HEMK2: variants seen among roughly 807,000 people sequenced by gnomAD.
HEMK2 encodes the protein HemK methyltransferase 2, ETF1 glutamine and histone H4 lysine.
the HEMK2 span, among the ~76,000 whole-genome samples, chr21:28,587,645 C>T: frequency 4.6e-5 from 7 of 152,122 alleles, no homozygotes; most frequent in Admixed American, 6.5e-5. Flanking sequence ...ACTGTTATCC[C>T]GCTAAATGAC....
the HEMK2 span, among the ~76,000 whole-genome samples, chr21:28,750,715 A>G: frequency 6.6e-6 from 1 of 151,524 alleles, no homozygotes; most frequent in East Asian, 1.9e-4. Context: ...AAAAAAAAAA[A>G]AAAAAGGCAA....
At chr21:28,784,053 T>C in the HEMK2 span, among the ~76,000 whole-genome samples, 1 of 152,182 alleles carries the variant, frequency 6.6e-6, no homozygotes, top group Middle Eastern at 3.4e-3. Context: ...GGCGGTGGGC[T>C]CCTGTGTGGC....
the HEMK2 span, among the ~76,000 whole-genome samples, chr21:28,738,527 A>C: frequency 8.5e-5 from 13 of 152,294 alleles, no homozygotes; most frequent in Admixed American, 2.0e-4. Flanking sequence ...CATCAAGGTC[A>C]AGTGTCTCTT....
the HEMK2 span, among the ~76,000 whole-genome samples, chr21:28,806,139 G>T: frequency 6.6e-6 from 1 of 152,150 alleles, no homozygotes; most frequent in Non-Finnish European, 1.5e-5. Flanking sequence ...GTGTTTTCCA[G>T]GAATTACGTC....
the HEMK2 span, among the ~76,000 whole-genome samples, chr21:28,789,318 A>C: frequency 6.6e-6 from 1 of 152,088 alleles, no homozygotes; most frequent in Admixed American, 6.6e-5. Flanking sequence ...AGGTGCTGAG[A>C]AATAGCTCAA....
At chr21:28,882,919 T>C in the HEMK2 span, 1 of 1,125,864 alleles carries the variant, frequency 8.9e-7, no homozygotes, top group Non-Finnish European at 1.3e-6. Context: ...TCTTTAAAAA[T>C]TATTTCATTA....
the HEMK2 span, among the ~76,000 whole-genome samples, chr21:28,768,858 A>C: frequency 9.9e-4 from 150 of 152,112 alleles, 2 homozygotes; most frequent in Admixed American, 9.5e-3. Context: ...CCCCAAACCT[A>C]ATAGGACTGC....
At chr21:28,811,645 C>T in the HEMK2 span, among the ~76,000 whole-genome samples, 8 of 152,090 alleles carry the variant, frequency 5.3e-5, no homozygotes, top group South Asian at 1.4e-3. Flanking sequence ...CTCATCCTCC[C>T]CTACCCTTTG....
chr21:28,817,973 A>T, the HEMK2 span, among the ~76,000 whole-genome samples: 1 of 152,212 alleles, frequency 6.6e-6, no homozygotes, highest in Non-Finnish European at 1.5e-5. Flanking sequence ...CCATCTGCAC[A>T]TACAGATAGT....
At chr21:28,674,289 G>A in the HEMK2 span, among the ~76,000 whole-genome samples, 3 of 152,078 alleles carry the variant, frequency 2.0e-5, no homozygotes, top group African/African-American at 7.2e-5. Flanking sequence ...ATAAAAAATT[G>A]GCAACCAGCA....
the HEMK2 span, among the ~76,000 whole-genome samples, chr21:28,623,807 G>C: frequency 6.6e-6 from 1 of 152,110 alleles, no homozygotes; most frequent in African/African-American, 2.4e-5. Context: ...CACAGGGAGG[G>C]GAACATCACA....
chr21:28,749,440 A>T, the HEMK2 span, among the ~76,000 whole-genome samples: 1 of 152,218 alleles, frequency 6.6e-6, no homozygotes, highest in South Asian at 2.1e-4. Flanking sequence ...TGATTACCTC[A>T]AAGTCAGAGG....
the HEMK2 span, among the ~76,000 whole-genome samples, chr21:28,633,748 T>A: frequency 6.6e-6 from 1 of 152,150 alleles, no homozygotes. Context: ...CCCATTGTAA[T>A]ACAATACGAA....
At chr21:28,743,186 T>C in the HEMK2 span, 4 of 151,968 alleles carry the variant, frequency 2.6e-5, no homozygotes, top group African/African-American at 9.7e-5. Context: ...AATGTGGAGG[T>C]TGAAAAATCT....
the HEMK2 span, among the ~76,000 whole-genome samples, chr21:28,820,768 T>C: frequency 2.6e-5 from 4 of 152,246 alleles, no homozygotes; most frequent in Admixed American, 2.6e-4. Flanking sequence ...TGGGTTACTA[T>C]ATTTCTGGCT....
the HEMK2 span, among the ~76,000 whole-genome samples, chr21:28,714,211 T>C: frequency 6.6e-6 from 1 of 152,228 alleles, no homozygotes; most frequent in African/African-American, 2.4e-5. Flanking sequence ...TTACCCAAAT[T>C]CTAATGTATT....
chr21:28,604,642 G>GA, the HEMK2 span, among the ~76,000 whole-genome samples: 1 of 152,184 alleles, frequency 6.6e-6, no homozygotes, highest in East Asian at 1.9e-4. Flanking sequence ...TTGCAGATGA[G>GA]AAAATAGAAG....
At chr21:28,828,202 G>A in the HEMK2 span, among the ~76,000 whole-genome samples, 1 of 152,156 alleles carries the variant, frequency 6.6e-6, no homozygotes, top group African/African-American at 2.4e-5. Flanking sequence ...TACAGGTGAT[G>A]GAAACAGGAT....
At chr21:28,754,846 C>T in the HEMK2 span, among the ~76,000 whole-genome samples, 1 of 152,122 alleles carries the variant, frequency 6.6e-6, no homozygotes, top group Non-Finnish European at 1.5e-5. Flanking sequence ...ATAAGAAAAG[C>T]GTTAAGACCT....
Sources: gnomAD v4.1 joint callset for allele counts (sites outside exome capture counted in the v4.1 genomes callset) on GRCh38, gnomAD v4.1.1 for gene constraint, MANE v1.5 for transcripts, NCBI Gene and HGNC (gene_info 2026-07-23, HGNC 2026-07-21) for gene names.